Variants in EXOC6B observed in about 807,000 individuals in gnomAD.
EXOC6B encodes the protein exocyst complex component 6B.
EXOC6B carries 54 observed loss-of-function variants against 113.5 expected under a neutral mutation model. The ratio of observed to expected loss-of-function variants is 0.48; its 90% CI spans 0.38 to 0.60. The LOEUF (loss-of-function observed/expected upper bound fraction) is 0.60. EXOC6B is among the 20% of genes least tolerant of loss of function. The pLI is 0.00. For synonymous variants in EXOC6B, 357 were observed against 339.0 expected (o/e 1.05, Z -0.58); for missense variants, 797 against 977.5 (o/e 0.82, Z 2.46).
intron 20 of EXOC6B, among the ~76,000 whole-genome samples, chr2:72,271,402 A>C (rs1684473574): frequency 6.6e-6 from 1 of 152,094 alleles, no homozygotes; most frequent in Non-Finnish European, 1.5e-5. Context: ...GGAGGCCTTG[A>C]GAGTCAAAGT....
chr2:72,373,419 G>C (rs1393015108), intron 19 of EXOC6B, among the ~76,000 whole-genome samples: 1 of 151,964 alleles, frequency 6.6e-6, no homozygotes, highest in East Asian at 1.9e-4. Context: ...TGGACAAATA[G>C]GATCACAACA....
chr2:72,637,389 A>G (rs1206596452), intron 6 of EXOC6B, among the ~76,000 whole-genome samples: 1 of 152,170 alleles, frequency 6.6e-6, no homozygotes, highest in Non-Finnish European at 1.5e-5. Flanking sequence ...CCACCAATGA[A>G]GGTCAAATAT....
chr2:72,183,004 T>A (rs1422484213), intron 21 of EXOC6B: 1 of 755,520 alleles, frequency 1.3e-6, no homozygotes, highest in Non-Finnish European at 1.8e-6. Flanking sequence ...CAGTCTGAGT[T>A]TTTAGTCTCT....
intron 20 of EXOC6B, among the ~76,000 whole-genome samples, chr2:72,222,718 T>C (rs1330999589): frequency 3.9e-5 from 6 of 152,166 alleles, no homozygotes; most frequent in African/African-American, 1.4e-4. Context: ...GGGTCATTTT[T>C]GTGGAAAATA....
At chr2:72,720,236 A>G (rs984802831) in intron 5 of EXOC6B, among the ~76,000 whole-genome samples, 3 of 152,168 alleles carry the variant, frequency 2.0e-5, no homozygotes, top group African/African-American at 4.8e-5. Flanking sequence ...CAAAAACAAA[A>G]CAAAAAAAGA....
At chr2:72,772,724 C>T (rs2104952804) in intron 1 of EXOC6B, among the ~76,000 whole-genome samples, 1 of 152,280 alleles carries the variant, frequency 6.6e-6, no homozygotes, top group South Asian at 2.1e-4. Context: ...GAAAGCCAAC[C>T]TATGCACTCG....
Position 72,575,504 on chromosome 2 carries a change from TTCC to T in EXOC6B, c.831_833del (p.Glu278del). ...AAATGTTACTTACCTCTTCATCATC[TTCC>T]TCGTCTTCAACATCCAGAATTCCTG... On this transcript the variant is annotated inframe_deletion, in exon 7 of 22. Transcript: ENST00000272427. 1 of 1,606,062 alleles carries T rather than the reference TTCC, an allele frequency of 6.2e-7. No individual in the cohort carries two copies. The highest frequency in any genetic ancestry group is 8.5e-7 in the Non-Finnish European group (1 of 1,177,316).
intron 8 of EXOC6B, among the ~76,000 whole-genome samples, chr2:72,531,293 G>C (rs1263273470): frequency 6.6e-6 from 1 of 152,074 alleles, no homozygotes; most frequent in Non-Finnish European, 1.5e-5. Flanking sequence ...TTTACCATAG[G>C]ATACTGGTGT....
At chr2:72,776,923 A>G (rs1683738761) in intron 1 of EXOC6B, among the ~76,000 whole-genome samples, 1 of 152,102 alleles carries the variant, frequency 6.6e-6, no homozygotes, top group Non-Finnish European at 1.5e-5. Flanking sequence ...ATCCACACCA[A>G]GGCACATTAT....
At chr2:72,315,168 TGAA>T (rs999743095) in intron 20 of EXOC6B, among the ~76,000 whole-genome samples, 1 of 151,942 alleles carries the variant, frequency 6.6e-6, no homozygotes, top group African/African-American at 2.4e-5. Flanking sequence ...CTGAACAAGA[TGAA>T]GGAACAAGTA....
At chr2:72,690,839 A>G (rs532296229) in intron 6 of EXOC6B, among the ~76,000 whole-genome samples, 2 of 152,292 alleles carry the variant, frequency 1.3e-5, no homozygotes, top group South Asian at 4.1e-4. Context: ...TCTCCCAAAA[A>G]TATTTGTTCA....
intron 11 of EXOC6B, among the ~76,000 whole-genome samples, chr2:72,505,670 C>A (rs1700558170): frequency 1.3e-5 from 2 of 152,058 alleles, no homozygotes; most frequent in Non-Finnish European, 2.9e-5. Flanking sequence ...CTCTTCCAAA[C>A]AATGAACATG....
intron 6 of EXOC6B, among the ~76,000 whole-genome samples, chr2:72,600,223 T>C (rs187483753): frequency 6.6e-6 from 1 of 152,006 alleles, no homozygotes; most frequent in African/African-American, 2.4e-5. Flanking sequence ...GGCAGACTGC[T>C]TGAGCCCAGG....
chr2:72,433,830 AC>A (rs1361699363), intron 18 of EXOC6B, among the ~76,000 whole-genome samples: 1 of 152,190 alleles, frequency 6.6e-6, no homozygotes, highest in Non-Finnish European at 1.5e-5. Context: ...TTCTAAATAT[AC>A]AATCATGACA....
At chr2:72,359,193 CA>C (rs1170984332) in intron 19 of EXOC6B, among the ~76,000 whole-genome samples, 1 of 152,010 alleles carries the variant, frequency 6.6e-6, no homozygotes, top group Non-Finnish European at 1.5e-5. Context: ...TGTTAGTGTC[CA>C]CTCTAAAATT....
chr2:72,804,593 C>CT (rs948240531), intron 1 of EXOC6B, among the ~76,000 whole-genome samples: 13 of 147,636 alleles, frequency 8.8e-5, no homozygotes, highest in South Asian at 2.2e-4. Flanking sequence ...TTCATTTAAA[C>CT]TTTTTTTTTT....
chr2:72,619,091 G>T (rs1182973014), intron 6 of EXOC6B, among the ~76,000 whole-genome samples: 1 of 152,040 alleles, frequency 6.6e-6, no homozygotes, highest in Non-Finnish European at 1.5e-5. Flanking sequence ...TCTTCTTGAG[G>T]TTGCAGCTAC....
At chr2:72,740,984 G>A (rs1248365117) in intron 2 of EXOC6B, among the ~76,000 whole-genome samples, 1 of 151,936 alleles carries the variant, frequency 6.6e-6, no homozygotes, top group Non-Finnish European at 1.5e-5. Flanking sequence ...GGCGCCTGTA[G>A]TCCCAGCTAT....
At chr2:72,496,617 G>C in intron 13 of EXOC6B, 58 bp from the exon 14 acceptor site, 1 of 1,035,876 alleles carries the variant, frequency 9.7e-7, no homozygotes, top group Non-Finnish European at 1.5e-6. Context: ...GGGGGGTAGG[G>C]GAGGGGAACA....
Sources: gnomAD v4.1 joint callset for allele counts (sites outside exome capture counted in the v4.1 genomes callset) on GRCh38, gnomAD v4.1.1 for gene constraint, MANE v1.5 for transcripts, NCBI Gene and HGNC (gene_info 2026-07-23, HGNC 2026-07-21) for gene names.